The following EXOC6B variants were observed in gnomAD, a reference collection of about 807,000 sequenced individuals.
EXOC6B encodes exocyst complex component 6B.
A neutral mutation model predicts 113.5 loss-of-function variants in EXOC6B; 54 were observed. The ratio of observed to expected loss-of-function variants is 0.48; its 90% CI spans 0.38 to 0.60. The LOEUF (loss-of-function observed/expected upper bound fraction) is 0.60. EXOC6B is among the 20% of genes least tolerant of loss of function. EXOC6B has a pLI of 0.00. For synonymous variants in EXOC6B, 357 were observed against 339.0 expected, an observed-to-expected ratio of 1.05 and a Z score of -0.58; for missense variants, 797 against 977.5, an observed-to-expected ratio of 0.82 and a Z score of 2.46.
intron 13 of EXOC6B, 57 bp downstream of exon 13, chr2:72,498,397 T>C: frequency 8.2e-7 from 1 of 1,213,698 alleles, no homozygotes; most frequent in Non-Finnish European, 1.2e-6. Context: ...CATAAATACA[T>C]GTGTGTACAC....
chr2:72,374,424 A>G (rs574145306), intron 19 of EXOC6B, among the ~76,000 whole-genome samples: 7 of 152,292 alleles, frequency 4.6e-5, no homozygotes, highest in Admixed American at 3.3e-4. Context: ...GGCAATTATG[A>G]TAAGTGTTAA....
chr2:72,280,349 A>G (rs1394454739), intron 20 of EXOC6B, among the ~76,000 whole-genome samples: 1 of 151,870 alleles, frequency 6.6e-6, no homozygotes, highest in Non-Finnish European at 1.5e-5. Context: ...TGTGCTCATA[A>G]CCCTTTTTTT....
chr2:72,768,545 T>A (rs1446728728), intron 1 of EXOC6B, among the ~76,000 whole-genome samples: 1 of 151,246 alleles, frequency 6.6e-6, no homozygotes, highest in Non-Finnish European at 1.5e-5. Flanking sequence ...CCTCAGGTGA[T>A]CCCCCCGCCT....
At chr2:72,475,192 G>A (rs898940862) in intron 17 of EXOC6B, among the ~76,000 whole-genome samples, 2 of 152,154 alleles carry the variant, frequency 1.3e-5, no homozygotes, top group Admixed American at 6.5e-5. Context: ...ACCATTGTTA[G>A]TGAGTCCAGA....
Position 72,495,460 on chromosome 2 carries a change from C to A in EXOC6B, c.1523G>T (p.Cys508Phe). 6.2e-7 allele frequency: 1 copy of A among 1,602,430 alleles called. No individual in the cohort carries two copies. Among genetic ancestry groups the A allele is most frequent in the Non-Finnish European group, 8.5e-7 (1 of 1,172,748 alleles). Residue 508 changes from cysteine (C) to phenylalanine (F), a missense_variant, in exon 15 of 22, where the codon TGT (cysteine) becomes TTT (phenylalanine). Physicochemically the swap from Cys to Phe is radical, Grantham distance 205. Coordinates refer to ENST00000272427, the MANE Select transcript of EXOC6B (RefSeq NM_015189.3). Reference sequence around the variant, plus strand: ...ATGAAGATCTTCTGAAAACTTCAGACAAGCGTAGATAAATTCTTTAATTTG... The same window carrying A: ...ATGAAGATCTTCTGAAAACTTCAGAAAAGCGTAGATAAATTCTTTAATTTG... ...YNQIKEFIYA[C>F]LKFSEDLHLS...
chr2:72,470,429 A>G (rs1698326252), intron 17 of EXOC6B, among the ~76,000 whole-genome samples: 2 of 151,964 alleles, frequency 1.3e-5, no homozygotes, highest in South Asian at 4.1e-4. Flanking sequence ...TGTTGATTTT[A>G]TATCCTGCAA....
intron 1 of EXOC6B, among the ~76,000 whole-genome samples, chr2:72,767,196 G>A (rs539282539): frequency 3.4e-4 from 51 of 152,114 alleles, no homozygotes; most frequent in East Asian, 1.9e-3. Flanking sequence ...TTGGAAGGCC[G>A]AGGCGGGTGT....
intron 16 of EXOC6B, among the ~76,000 whole-genome samples, chr2:72,488,314 G>GTTCAAT (rs1186344495): frequency 6.6e-6 from 1 of 151,832 alleles, no homozygotes; most frequent in Non-Finnish European, 1.5e-5. Context: ...GTACCCAAAA[G>GTTCAAT]TTCAATTTTC....
At chr2:72,549,779 G>A (rs1232399628) in intron 8 of EXOC6B, among the ~76,000 whole-genome samples, 1 of 152,038 alleles carries the variant, frequency 6.6e-6, no homozygotes, top group Non-Finnish European at 1.5e-5. Context: ...AAAGAAAAGT[G>A]GGACAAGGGT....
At chr2:72,820,833 T>G (rs561289349) in intron 1 of EXOC6B, among the ~76,000 whole-genome samples, 80 of 152,076 alleles carry the variant, frequency 5.3e-4, no homozygotes, top group African/African-American at 1.8e-3. Flanking sequence ...AAACAAAAAT[T>G]AACTCAAAAT....
chr2:72,415,519 T>C (rs1694467510), intron 18 of EXOC6B, among the ~76,000 whole-genome samples: 1 of 151,456 alleles, frequency 6.6e-6, no homozygotes, highest in African/African-American at 2.4e-5. Context: ...ATCTGTGGTT[T>C]CTTTTTTTTT....
chr2:72,393,465 T>C (rs1287525372), intron 18 of EXOC6B, among the ~76,000 whole-genome samples: 1 of 152,150 alleles, frequency 6.6e-6, no homozygotes, highest in East Asian at 1.9e-4. Flanking sequence ...CTAAATCCTA[T>C]ACTTACAGAC....
At chr2:72,315,968 AG>A (rs1687490764) in intron 20 of EXOC6B, among the ~76,000 whole-genome samples, 1 of 152,222 alleles carries the variant, frequency 6.6e-6, no homozygotes, top group Admixed American at 6.5e-5. Flanking sequence ...TCACTACTTC[AG>A]CAAGGATTAT....
chr2:72,708,279 A>G (rs1382308347), intron 6 of EXOC6B, among the ~76,000 whole-genome samples: 1 of 152,210 alleles, frequency 6.6e-6, no homozygotes, highest in East Asian at 1.9e-4. Context: ...TGGAACCACA[A>G]TCCTGCACAG....
chr2:72,762,771 T>A (rs73945621), intron 1 of EXOC6B, among the ~76,000 whole-genome samples: 17 of 152,028 alleles, frequency 1.1e-4, no homozygotes, highest in African/African-American at 4.1e-4. Context: ...TATTATTATT[T>A]TAAAATGTTT....
At chr2:72,399,009 G>GAAAAAAAAAAAAA (rs576686166) in intron 18 of EXOC6B, among the ~76,000 whole-genome samples, 1 of 122,664 alleles carries the variant, frequency 8.2e-6, no homozygotes, top group Non-Finnish European at 1.9e-5. Context: ...CAGTGAAAAA[G>GAAAAAAAAAAAAA]AAAAAAAAAA....
chr2:72,530,272 A>G (rs1037826463), intron 8 of EXOC6B, among the ~76,000 whole-genome samples: 4 of 152,178 alleles, frequency 2.6e-5, no homozygotes, highest in Admixed American at 2.0e-4. Context: ...TTAGTGCTAT[A>G]AATTTCATTT....
chr2:72,641,444 G>A (rs755355611), intron 6 of EXOC6B, among the ~76,000 whole-genome samples: 3 of 152,366 alleles, frequency 2.0e-5, no homozygotes, highest in Non-Finnish European at 1.5e-5. Context: ...CCCCACCCAC[G>A]AAGCCTTGCT....
chr2:72,415,278 C>T (rs993213440), intron 18 of EXOC6B, among the ~76,000 whole-genome samples: 2 of 151,512 alleles, frequency 1.3e-5, no homozygotes, highest in African/African-American at 4.9e-5. Context: ...CTATGGAGAT[C>T]TGAAAGCTTA....
Sources: gnomAD v4.1 joint callset for allele counts (sites outside exome capture counted in the v4.1 genomes callset) on GRCh38, gnomAD v4.1.1 for gene constraint, MANE v1.5 for transcripts, NCBI Gene and HGNC (gene_info 2026-07-23, HGNC 2026-07-21) for gene names.